Variants in CFHR4 observed in about 807,000 individuals in gnomAD.
CFHR4 encodes the protein complement factor H-related protein 4.
In CFHR4, 64 loss-of-function variants were observed where a neutral mutation model predicts 69.3. The observed-to-expected ratio is 0.92, with a 90% CI of 0.76 to 1.14. The LOEUF is 1.14. Ranked by LOEUF, CFHR4 falls within the 50% of genes most tolerant of loss-of-function variation. CFHR4 has a pLI of 0.00. For synonymous variants in CFHR4, 244 were observed against 237.0 expected (o/e 1.03, Z -0.27); for missense variants, 636 against 684.9 (o/e 0.93, Z 0.80).
chr1:196,897,383 G>A (rs1054577491), intron 1 of CFHR4, among the ~76,000 whole-genome samples: 1 of 151,488 alleles, frequency 6.6e-6, no homozygotes, highest in Non-Finnish European at 1.5e-5. Context: ...GTCTGCAGAC[G>A]GCTTGTGTGT....
At chr1:196,899,119 C>A (rs1407888450) in intron 1 of CFHR4, among the ~76,000 whole-genome samples, 1 of 151,146 alleles carries the variant, frequency 6.6e-6, no homozygotes, top group Non-Finnish European at 1.5e-5. Context: ...TTTCCACAAT[C>A]ATCAAATGTA....
rs1205105753 is a variant in CFHR4 at position 196,918,359 on chromosome 1, C to T, written c.1690C>T (p.Gln564Ter). 6.2e-7 allele frequency: 1 copy of T among 1,612,252 alleles called. No individual in the cohort carries two copies. The highest frequency in any genetic ancestry group is 8.5e-7 in the Non-Finnish European group (1 of 1,179,246). The change falls in exon 10 of 10, where the codon CAA (glutamine) becomes TAA (stop). Residue 564 changes from glutamine (Q) to a stop codon, truncating the protein, a stop_gained. Coordinates refer to ENST00000608469, the MANE Select transcript of CFHR4 (RefSeq NM_001201550.3). LOFTEE classifies it low-confidence loss of function (END_TRUNC). ...YNANTSVLSF[Q>*]AVCREGIVEY... is the part of the protein sequence containing the mutation. ...TGCGAATACATCAGTTCTATCATTT[C>T]AAGCAGTGTGTAGGGAAGGCATAGT...
intron 1 of CFHR4, among the ~76,000 whole-genome samples, chr1:196,900,901 A>T (rs1022351354): frequency 1.3e-5 from 2 of 151,542 alleles, no homozygotes; most frequent in African/African-American, 4.9e-5. Flanking sequence ...CCAAGAAACT[A>T]TACAAAGACA....
In CFHR4 at chr1:196,892,012, T is replaced by C. The variant is rs1238876684; in HGVS notation, c.58+3804T>C. ...ACATTTCAGATTTTTTCTTATGTTATAGTAATATTTCTTTTCTCTATTTTC... is the reference window on the plus strand; with the variant it reads ...ACATTTCAGATTTTTTCTTATGTTACAGTAATATTTCTTTTCTCTATTTTC... On this transcript the variant is annotated intron_variant, in intron 1 of 9. Transcript: ENST00000608469. Among the ~76,000 whole-genome samples, 3 of 151,556 alleles carry C rather than the reference T, an allele frequency of 2.0e-5. No individual in the cohort carries two copies. The East Asian group carries it at 5.8e-4, about 29-fold the overall frequency.
In CFHR4 at chr1:196,905,777, C is replaced by G. The variant is rs575548678; in HGVS notation, c.439+487C>G. 7.3e-5 allele frequency among the ~76,000 whole-genome samples: 11 copies of G among 151,280 alleles called. No homozygotes were observed. In the South Asian group the frequency reaches 2.1e-3, roughly 29 times the overall value. On this transcript the variant is annotated intron_variant, in intron 3 of 9. Transcript: ENST00000608469. ...TATCAATGATGCAACTGAGGAGAAC[C>G]AACTCAAAAAATTATTTCCAGCTTA...
intron 6 of CFHR4, among the ~76,000 whole-genome samples, chr1:196,911,645 A>G (rs1658274315): frequency 6.6e-6 from 1 of 151,464 alleles, no homozygotes; most frequent in African/African-American, 2.4e-5. Flanking sequence ...GAATATTATG[A>G]TATAATTGAG....
intron 9 of CFHR4, among the ~76,000 whole-genome samples, chr1:196,916,363 A>C (rs1377912964): frequency 6.6e-6 from 1 of 151,894 alleles, no homozygotes; most frequent in Non-Finnish European, 1.5e-5. Context: ...TAAGTTCATG[A>C]GTTTTTCAAG....
At position 196,914,515 on chromosome 1, in the gene CFHR4, T is replaced by C; in HGVS notation, c.1201T>C (p.Phe401Leu). ...ICIKFCDMPV[F>L]ENSRAKSNGM... ...TTCAGAATTTTGTGATATGCCTGTT[T>C]TTGAGAATTCCAGAGCCAAGAGTAA... Residue 401 changes from phenylalanine (F) to leucine (L), a missense_variant, in exon 8 of 10, where the codon TTT becomes CTT. Transcript: ENST00000608469. 6.2e-7 allele frequency: 1 copy of C among 1,606,432 alleles called. No homozygotes were observed. Among genetic ancestry groups the C allele is most frequent in the Non-Finnish European group, 8.5e-7 (1 of 1,177,232 alleles).
At chr1:196,910,171 G>GAAAA in intron 5 of CFHR4, 110 bp from the exon 6 acceptor site, 2 of 488,256 alleles carry the variant, frequency 4.1e-6, no homozygotes, top group Non-Finnish European at 6.3e-6. Context: ...AAAAAGTAAA[G>GAAAA]AAAAAAAAAA....
chr1:196,888,557 T>C (rs1656851004), intron 1 of CFHR4, among the ~76,000 whole-genome samples: 1 of 151,278 alleles, frequency 6.6e-6, no homozygotes. Flanking sequence ...TTATTCATAA[T>C]ACAAGGGAAA....
In CFHR4 at chr1:196,907,013, T is replaced by A; in HGVS notation, c.592T>A (p.Trp198Arg). ...TTCCATAGTGTGTGGTGAAGATGGC[T>A]GGTCCCATTTGCCAACATGCTATAG... is the stretch of plus-strand genomic sequence containing the variant. The part of the protein sequence containing the change: ...TDSIVCGEDG[W>R]SHLPTCYNSS... Residue 198 changes from tryptophan (W) to arginine (R), a missense_variant, in exon 4 of 10, where the codon TGG becomes AGG. Around this residue, in one of 3 missense-constraint regions of CFHR4, gnomAD observed 529 missense variants for 533.2 expected, o/e 0.99. Transcript: ENST00000608469. 6.2e-7 allele frequency: 1 copy of A among 1,611,250 alleles called. No individual in the cohort carries two copies. The highest frequency in any genetic ancestry group is 8.5e-7 in the Non-Finnish European group (1 of 1,179,092).
chr1:196,897,645 A>C (rs1244286714), intron 1 of CFHR4, among the ~76,000 whole-genome samples: 2 of 150,282 alleles, frequency 1.3e-5, no homozygotes, highest in Non-Finnish European at 3.0e-5. Flanking sequence ...TTTTTCTCCG[A>C]CCTCCCCTAG....
intron 6 of CFHR4, 145 bp from the exon 7 acceptor site, chr1:196,912,595 G>C: frequency 1.1e-6 from 1 of 934,844 alleles, no homozygotes; most frequent in Non-Finnish European, 1.5e-6. Context: ...GAACACGGAT[G>C]TCTAGGAAAC....
chr1:196,913,544 G>T (rs1298917147), intron 7 of CFHR4, among the ~76,000 whole-genome samples: 1 of 151,462 alleles, frequency 6.6e-6, no homozygotes, highest in African/African-American at 2.4e-5. Context: ...CTCTGAACAT[G>T]CTCGACCTTT....
At chr1:196,906,164 T>C (rs1465976772) in intron 3 of CFHR4, among the ~76,000 whole-genome samples, 2 of 151,522 alleles carry the variant, frequency 1.3e-5, no homozygotes, top group African/African-American at 2.4e-5. Context: ...TACTGATATG[T>C]AATTGAACAT....
intron 5 of CFHR4, 72 bp downstream of exon 5, chr1:196,907,570 T>C (rs1571436598): frequency 1.4e-5 from 18 of 1,271,940 alleles, no homozygotes; most frequent in Non-Finnish European, 1.8e-5. Context: ...TATACTAAAA[T>C]TTTTATGGGT....
intron 1 of CFHR4, among the ~76,000 whole-genome samples, chr1:196,892,395 G>A (rs918369096): frequency 1.3e-5 from 2 of 151,516 alleles, no homozygotes; most frequent in Middle Eastern, 3.2e-3. Flanking sequence ...ATTATTGGCA[G>A]GGTTTTTTTG....
chr1:196,898,925 A>G lies in CFHR4; in HGVS notation c.59-3493A>G, dbSNP rs75185531. On this transcript the variant is annotated intron_variant, in intron 1 of 9. Transcript: ENST00000608469. ...ATGGCAACTACATTTCTCCAGAGCT[A>G]AAGATTCAAGACAGAGAGAGTGAGG... Among the ~76,000 whole-genome samples, 33 of 151,714 alleles carry G rather than the reference A, an allele frequency of 2.2e-4. No individual in the cohort carries two copies. The East Asian group carries it at 6.0e-3, about 28-fold the overall frequency.
At chr1:196,893,836 C>G (rs1300382580) in intron 1 of CFHR4, among the ~76,000 whole-genome samples, 1 of 151,430 alleles carries the variant, frequency 6.6e-6, no homozygotes, top group Non-Finnish European at 1.5e-5. Context: ...GCTTAATAAA[C>G]CAAAGTTTAT....
Sources: gnomAD v4.1 joint callset for allele counts (sites outside exome capture counted in the v4.1 genomes callset) on GRCh38, gnomAD v4.1.1 for gene constraint, gnomAD v4.1.1 regional missense constraint, MANE v1.5 for transcripts, NCBI Gene and HGNC (gene_info 2026-07-23, HGNC 2026-07-21) for gene names.